The following RNF135 variants were observed in gnomAD, a reference collection of about 807,000 sequenced individuals.
RNF135 encodes ring finger protein 135, also known as E3 ubiquitin-protein ligase RNF135.
Under a neutral mutation model 41.9 loss-of-function variants are expected in RNF135, and 46 were observed. The ratio of observed to expected loss-of-function variants is 1.10; its 90% CI spans 0.87 to 1.40. The LOEUF (loss-of-function observed/expected upper bound fraction) is 1.40. RNF135 is among the 40% of genes most tolerant of loss of function. RNF135 has a pLI of 0.00. For missense variants in RNF135, 539 were observed against 549.8 expected, an observed-to-expected ratio of 0.98 and a Z score of 0.20; for synonymous variants, 238 against 223.8, an observed-to-expected ratio of 1.06 and a Z score of -0.57.
the RNF135 span, among the ~76,000 whole-genome samples, chr17:30,963,963 T>A: frequency 6.6e-6 from 1 of 152,214 alleles, no homozygotes; most frequent in South Asian, 2.1e-4. Context: ...CCAAAAAAGT[T>A]TTTAAGCAGT....
intron 1 of RNF135, among the ~76,000 whole-genome samples, chr17:30,976,824 A>T (rs576239145): frequency 6.6e-6 from 1 of 152,118 alleles, no homozygotes; most frequent in Non-Finnish European, 1.5e-5. Context: ...TTCAGTCTAT[A>T]TGTGCCTATA....
chr17:30,980,506 C>A (rs1202155800), intron 1 of RNF135, among the ~76,000 whole-genome samples: 1 of 134,764 alleles, frequency 7.4e-6, no homozygotes, highest in Admixed American at 7.0e-5. Flanking sequence ...GGGGCTGACC[C>A]CCCCCACCTC....
intron 3 of RNF135, among the ~76,000 whole-genome samples, chr17:30,994,993 A>C (rs890946246): frequency 2.0e-5 from 3 of 151,888 alleles, no homozygotes; most frequent in African/African-American, 7.3e-5. Context: ...CCCAGGCTAG[A>C]GTACTGTGGC....
chr17:30,984,620 G>T lies in RNF135; in HGVS notation c.376G>T (p.Ala126Ser). 1 of 1,614,142 alleles carries T rather than the reference G, an allele frequency of 6.2e-7. No homozygotes were observed. The highest frequency in any genetic ancestry group is 8.5e-7 in the Non-Finnish European group (1 of 1,180,026). The change falls in exon 2 of 5, where the codon GCA becomes TCA. Residue 126 changes from alanine to serine, a missense_variant. By Grantham distance (99) the Ala-to-Ser change is moderately conservative. Transcript: ENST00000328381. ...CCTGAACTTTGCTATTTTGAAGGTG[G>T]CAGTAGAGAAGAGCATCACAGAAGT... Reference protein sequence around the residue: ...PRRRPELQRVAVEKSITEVAQ... With the variant: ...PRRRPELQRVSVEKSITEVAQ...
chr17:30,960,652 G>A, the RNF135 span, among the ~76,000 whole-genome samples: 1 of 151,924 alleles, frequency 6.6e-6, no homozygotes, highest in African/African-American at 2.4e-5. Context: ...CATCATTATA[G>A]ATTGTACTTT....
intron 1 of RNF135, 41 bp from the exon 2 acceptor site, chr17:30,984,576 A>G: frequency 1.2e-6 from 2 of 1,611,582 alleles, no homozygotes; most frequent in Non-Finnish European, 1.7e-6. Context: ...TCCTGGGTCC[A>G]GTTTTATAGA....
At position 30,984,771 on chromosome 17, in the gene RNF135, C is replaced by A. The variant is rs759004415; in HGVS notation, c.516+11C>A. On this transcript the variant is annotated intron_variant, in intron 2 of 4. Transcript: ENST00000328381. ...AGCATCCTGGGCAAGGTAGGCTCCA[C>A]TGGGAGAGGAAAGGATGTGGAAGGG... The A allele has an allele frequency of 1.9e-6, 3 of 1,613,878 alleles. No homozygotes were observed. Among genetic ancestry groups the A allele is most frequent in the South Asian group, 2.2e-5 (2 of 91,072 alleles).
chr17:30,961,286 A>G, the RNF135 span, among the ~76,000 whole-genome samples: 3 of 152,190 alleles, frequency 2.0e-5, no homozygotes, highest in African/African-American at 7.2e-5. Flanking sequence ...CAAGGAAGTA[A>G]CCAGGGTCTC....
At chr17:30,990,465 A>C (rs1907912030) in intron 3 of RNF135, among the ~76,000 whole-genome samples, 1 of 152,154 alleles carries the variant, frequency 6.6e-6, no homozygotes, top group African/African-American at 2.4e-5. Context: ...CAGAGGTTGC[A>C]GTGAGCCACT....
intron 1 of RNF135, among the ~76,000 whole-genome samples, chr17:30,982,516 CTG>C (rs1438482012): frequency 6.6e-6 from 1 of 152,206 alleles, no homozygotes; most frequent in Non-Finnish European, 1.5e-5. Flanking sequence ...CAATTCAAGA[CTG>C]TTTCTCCTAC....
At chr17:30,970,808 C>T (rs909188485), upstream of RNF135, 16 of 548,586 alleles carry the variant, frequency 2.9e-5, no homozygotes, top group Non-Finnish European at 5.2e-5. Flanking sequence ...GAGACCTCCG[C>T]GGGTTTCTAG....
In RNF135 at chr17:30,999,095, G is replaced by GT; in HGVS notation, c.1204dup (p.Cys402LeufsTer58). On this transcript the variant is annotated frameshift_variant, in exon 5 of 5. Transcript: ENST00000328381. LOFTEE classifies it high-confidence loss of function. ...ACAATCAGGAGAAGCTTCTGTATGA[G>GT]TGTACCATCTCTGCCTCCTCTCCTT... is the stretch of plus-strand genomic sequence containing the variant. 1 of 1,614,154 alleles carries GT rather than the reference G, an allele frequency of 6.2e-7. No individual in the cohort carries two copies. The highest frequency in any genetic ancestry group is 8.5e-7 in the Non-Finnish European group (1 of 1,180,026).
chr17:30,997,555 T>A (rs1361795872), intron 4 of RNF135: 1 of 616,582 alleles, frequency 1.6e-6, no homozygotes, highest in East Asian at 3.6e-5. Flanking sequence ...ATCTCTGCTG[T>A]GGCCACCAAC....
chr17:30,975,253 G>C (rs1039949264), intron 1 of RNF135: 4 of 514,328 alleles, frequency 7.8e-6, no homozygotes, highest in African/African-American at 7.7e-5. Context: ...AATCCAGGAG[G>C]TTGAGGCTGC....
chr17:30,968,734 T>C (rs1157546432), upstream of RNF135: 1 of 152,094 alleles, frequency 6.6e-6, no homozygotes, highest in African/African-American at 2.4e-5. Context: ...TGCATAAAAC[T>C]TTTAGGGCGT....
intron 3 of RNF135, among the ~76,000 whole-genome samples, chr17:30,991,418 CTTT>C (rs1028884578): frequency 2.9e-5 from 4 of 139,148 alleles, no homozygotes; most frequent in Non-Finnish European, 4.7e-5. Flanking sequence ...CTTTCTCTTT[CTTT>C]TTTTTTTTTT....
chr17:30,992,861 T>C (rs1908081709), intron 3 of RNF135, among the ~76,000 whole-genome samples: 1 of 152,042 alleles, frequency 6.6e-6, no homozygotes, highest in African/African-American at 2.4e-5. Flanking sequence ...TTGTAGATTT[T>C]AAGTTTTAGT....
intron 1 of RNF135, among the ~76,000 whole-genome samples, chr17:30,977,503 A>G (rs1906566112): frequency 6.6e-6 from 1 of 152,136 alleles, no homozygotes; most frequent in Admixed American, 6.5e-5. Context: ...CCTCCCGAGT[A>G]GCTGGGACTA....
intron 4 of RNF135, 117 bp from the exon 5 acceptor site, chr17:30,998,545 C>T: frequency 1.0e-6 from 1 of 968,626 alleles, no homozygotes; most frequent in Non-Finnish European, 1.6e-6. Flanking sequence ...AATTTTAATG[C>T]TAGTGTGAGT....
Sources: allele counts gnomAD v4.1 joint callset (sites outside exome capture counted in the v4.1 genomes callset), GRCh38; gene constraint gnomAD v4.1.1; transcripts MANE v1.5; gene names NCBI Gene and HGNC (gene_info 2026-07-23, HGNC 2026-07-21).